The following TIMM21 variants were observed in gnomAD, a reference collection of about 807,000 sequenced individuals.
TIMM21 encodes the protein translocase of inner mitochondrial membrane 21, also known as mitochondrial import inner membrane translocase subunit Tim21.
Under a neutral mutation model 27.7 loss-of-function variants are expected in TIMM21, and 30 were observed. The observed-to-expected ratio is 1.08, with a 90% CI of 0.81 to 1.47. The LOEUF (loss-of-function observed/expected upper bound fraction) is 1.47. Ranked by LOEUF, TIMM21 falls within the 40% of genes most tolerant of loss-of-function variation. The pLI is 0.00. For missense variants in TIMM21, 292 were observed against 302.9 expected, an observed-to-expected ratio of 0.96 and a Z score of 0.27; for synonymous variants, 121 against 114.4, an observed-to-expected ratio of 1.06 and a Z score of -0.37.
intron 1 of TIMM21, 126 bp from the exon 2 acceptor site, chr18:74,155,019 G>A: frequency 1.2e-6 from 1 of 843,284 alleles, no homozygotes; most frequent in African/African-American, 1.7e-5. Flanking sequence ...AGCTGCCCCT[G>A]AACACACACA....
intron 3 of TIMM21, chr18:74,157,574 A>C (rs889836240): frequency 6.4e-6 from 1 of 155,250 alleles, no homozygotes; most frequent in Non-Finnish European, 1.4e-5. Flanking sequence ...TTCTTATTGG[A>C]GTGGTCATTT....
rs146202348 is a variant in TIMM21, at chr18:74,153,061, C to G, written c.302-2084C>G. Among the ~76,000 whole-genome samples the G allele has an allele frequency of 2.3e-3, 355 of 152,258 alleles. 1 individual carries two copies. Among genetic ancestry groups the G allele is most frequent in the African/African-American group, 8.3e-3 (343 of 41,548 alleles). On this transcript the variant is annotated intron_variant, in intron 1 of 5. Transcript: ENST00000169551. ...TGACAACTGTCCGCTACCAGTGCTC[C>G]CTGCAGCTGGGAGCCCCATACCACA...
intron 1 of TIMM21, among the ~76,000 whole-genome samples, chr18:74,150,352 T>C (rs1408418868): frequency 6.6e-6 from 1 of 152,238 alleles, no homozygotes; most frequent in African/African-American, 2.4e-5. Context: ...TGTAGCTATT[T>C]TGAGCACTTG....
chr18:74,158,167 A>G lies in TIMM21; in HGVS notation c.537-4A>G, dbSNP rs895256520. 3 of 1,614,058 alleles carry G rather than the reference A, an allele frequency of 1.9e-6. No homozygotes were observed. Among genetic ancestry groups the G allele is most frequent in the Admixed American group, 3.3e-5 (2 of 60,014 alleles). The stretch of plus-strand genomic sequence containing the variant: ...CTTAGACTGATCTTTCGTTTTCTCG[A>G]CAGGTTCACTGAATATGTAAAAGAT... On this transcript the variant is annotated splice_region_variant and splice_polypyrimidine_tract_variant and intron_variant, in intron 4 of 5. Coordinates refer to ENST00000169551, the MANE Select transcript of TIMM21 (RefSeq NM_014177.3).
chr18:74,159,394 G>A lies in TIMM21; in HGVS notation c.*914G>A, dbSNP rs1980045087. On this transcript the variant is annotated 3_prime_UTR_variant, in exon 6 of 6. Coordinates refer to ENST00000169551, the MANE Select transcript of TIMM21 (RefSeq NM_014177.3). ...TTCCATATCTATGTAAGTGCTATGTGCATTGGGAGGGGTCTAGAACCATGT... is the reference window on the plus strand; with the variant it reads ...TTCCATATCTATGTAAGTGCTATGTACATTGGGAGGGGTCTAGAACCATGT... 2 of 151,800 alleles carry A rather than the reference G, an allele frequency of 1.3e-5. No individual in the cohort carries two copies. The highest frequency in any genetic ancestry group is 4.8e-5 in the African/African-American group (2 of 41,298). 9.4% of individuals were successfully genotyped at this position (151,800 alleles called of 1,614,324 possible).
intron 1 of TIMM21, among the ~76,000 whole-genome samples, chr18:74,149,466 GCA>G (rs1979729519): frequency 6.6e-6 from 1 of 152,034 alleles, no homozygotes; most frequent in African/African-American, 2.4e-5. Flanking sequence ...CATGTTACCT[GCA>G]GTAATAGAAA....
Position 74,158,202 on chromosome 18 carries a change from C to A in TIMM21, c.568C>A (p.His190Asn). The A allele has an allele frequency of 6.2e-7, 1 of 1,614,126 alleles. No individual in the cohort carries two copies. Among genetic ancestry groups the A allele is most frequent in the Non-Finnish European group, 8.5e-7 (1 of 1,180,032 alleles). Residue 190 changes from histidine (H) to asparagine (N), a missense_variant, in exon 5 of 6, where the codon CAC (histidine) becomes AAC (asparagine). Coordinates refer to ENST00000169551, the MANE Select transcript of TIMM21 (RefSeq NM_014177.3). ...FTEYVKDGLK[H>N]TCVKFYIEGS... Reference sequence around the variant, plus strand: ...TGAATATGTAAAAGATGGGCTGAAACACACGTGTGTGAAATTCTACATTGA... The same window carrying A: ...TGAATATGTAAAAGATGGGCTGAAAAACACGTGTGTGAAATTCTACATTGA...
At chr18:74,156,482 G>A (rs1979954437) in intron 3 of TIMM21, 2 of 392,862 alleles carry the variant, frequency 5.1e-6, no homozygotes, top group African/African-American at 4.1e-5. Context: ...TGGACAGCCA[G>A]TGGTAACCAT....
At position 74,158,255 on chromosome 18, in the gene TIMM21, G is replaced by A. The variant is rs575511888; in HGVS notation, c.621G>A (p.Thr207=). The A allele has an allele frequency of 1.7e-5, 27 of 1,614,182 alleles. No homozygotes were observed. Among genetic ancestry groups the A allele is most frequent in the African/African-American group, 6.7e-5 (5 of 75,040 alleles). The change falls in exon 5 of 6, where the codon ACG becomes ACA. Residue 207 remains threonine (T), a synonymous_variant. Transcript: ENST00000169551. ...GCTCTGAGCCAGGGAAGCAAGGAAC[G>A]GTGTATGCGCAAGTGAAAGAGGTGT... ...IEGSEPGKQG[T]VYAQVKENPG... is the part of the protein sequence containing the mutation.
In TIMM21 at chr18:74,158,583, G is replaced by A. The variant is rs949195279; in HGVS notation, c.*103G>A. 1.4e-6 allele frequency: 1 copy of A among 729,944 alleles called. No individual in the cohort carries two copies. Among genetic ancestry groups the A allele is most frequent in the African/African-American group, 1.8e-5 (1 of 55,162 alleles). The allele number at this position is 729,944 out of a possible 1,614,324, so 45.2% of individuals were successfully genotyped here. On this transcript the variant is annotated 3_prime_UTR_variant, in exon 6 of 6. Coordinates refer to ENST00000169551, the MANE Select transcript of TIMM21 (RefSeq NM_014177.3). The stretch of plus-strand genomic sequence containing the variant: ...AAAGAAAGACAAGAAGGAGTGTATG[G>A]CTTATAAAGTGAATCTAATACAGTA...
rs752957466 is a variant in TIMM21, at chr18:74,149,008, C to T, written c.200C>T (p.Thr67Met). 3.7e-6 allele frequency: 6 copies of T among 1,614,104 alleles called. No individual in the cohort carries two copies. Among genetic ancestry groups the T allele is most frequent in the Non-Finnish European group, 5.1e-6 (6 of 1,180,038 alleles). ...ILGVTQKTIW[T>M]QGPSPRKAKE... Reference sequence around the variant, plus strand: ...GGAGTCACCCAGAAAACCATCTGGACGCAGGGACCGAGCCCCCGAAAAGCA... The same window carrying T: ...GGAGTCACCCAGAAAACCATCTGGATGCAGGGACCGAGCCCCCGAAAAGCA... The change falls in exon 1 of 6, where the codon ACG becomes ATG. Residue 67 changes from threonine (T) to methionine (M), a missense_variant. Thr to Met is a moderately conservative substitution (Grantham distance 81). Coordinates refer to ENST00000169551, the MANE Select transcript of TIMM21 (RefSeq NM_014177.3).
chr18:74,151,307 G>A (rs1979794771), intron 1 of TIMM21, among the ~76,000 whole-genome samples: 2 of 152,216 alleles, frequency 1.3e-5, no homozygotes, highest in South Asian at 4.1e-4. Context: ...GCTGCCTTCA[G>A]CCTCAGGAAT....
At position 74,158,093 on chromosome 18, in the gene TIMM21, G is replaced by A; in HGVS notation, c.536+6G>A. Reference sequence around the variant, plus strand: ...GGTCGCCGGCAGCATGTCAGGTACTGTGGCTTGAATTCAGAGGAGGCTCTG... The same window carrying A: ...GGTCGCCGGCAGCATGTCAGGTACTATGGCTTGAATTCAGAGGAGGCTCTG... On this transcript the variant is annotated splice_donor_region_variant and intron_variant, in intron 4 of 5. Coordinates refer to ENST00000169551, the MANE Select transcript of TIMM21 (RefSeq NM_014177.3). The A allele has an allele frequency of 1.2e-6, 2 of 1,614,162 alleles. No individual in the cohort carries two copies. Among genetic ancestry groups the A allele is most frequent in the Non-Finnish European group, 1.7e-6 (2 of 1,179,992 alleles).
chr18:74,152,255 C>T lies in TIMM21; in HGVS notation c.302-2890C>T, dbSNP rs1325548433. ...GTTGCCTTTCCTCCCAAATCAGGAC[C>T]CTGACCTTGGTGTGGGAGGTCTCAT... On this transcript the variant is annotated intron_variant, in intron 1 of 5. Coordinates refer to ENST00000169551, the MANE Select transcript of TIMM21 (RefSeq NM_014177.3). The surrounding 1 kb of genome is among the most constrained non-coding windows in gnomAD (Gnocchi z 4.1). 1.3e-5 allele frequency among the ~76,000 whole-genome samples: 2 copies of T among 152,146 alleles called. No homozygotes were observed. Among genetic ancestry groups the T allele is most frequent in the African/African-American group, 4.8e-5 (2 of 41,432 alleles).
At chr18:74,151,990 C>G (rs1347181097) in intron 1 of TIMM21, among the ~76,000 whole-genome samples, 1 of 149,194 alleles carries the variant, frequency 6.7e-6, no homozygotes, top group Non-Finnish European at 1.5e-5. Flanking sequence ...TTCTTCTCAC[C>G]CTTCTCATGC....
intron 3 of TIMM21, chr18:74,156,216 C>T (rs1979946438): frequency 2.5e-6 from 1 of 398,600 alleles, no homozygotes; most frequent in Non-Finnish European, 4.4e-6. Flanking sequence ...AATCGTCTGC[C>T]ATTATCATCA....
intron 3 of TIMM21, chr18:74,157,549 AC>A (rs1358617124): frequency 2.6e-5 from 4 of 154,914 alleles, no homozygotes; most frequent in Admixed American, 1.3e-4. Context: ...TTGTATAATA[AC>A]CCTTTTTTCA....
intron 1 of TIMM21, among the ~76,000 whole-genome samples, chr18:74,151,937 T>TCCCCCCCCCCC (rs535525190): frequency 4.2e-5 from 4 of 94,284 alleles, no homozygotes; most frequent in African/African-American, 1.8e-4. Context: ...GTGTCTATGT[T>TCCCCCCCCCCC]CCCCCCCCCC....
chr18:74,158,413 T>G lies in TIMM21; in HGVS notation c.680T>G (p.Phe227Cys). ...GSGEYDFRYI[F>C]VEIESYPRRT... ...GGTGAATATGATTTTCGATATATATTTGTAGAAATTGAATCTTATCCTAGA... is the reference window on the plus strand; with the variant it reads ...GGTGAATATGATTTTCGATATATATGTGTAGAAATTGAATCTTATCCTAGA... The change falls in exon 6 of 6, where the codon TTT (phenylalanine) becomes TGT (cysteine). Residue 227 changes from phenylalanine to cysteine, a missense_variant. Physicochemically the swap from Phe to Cys is radical, Grantham distance 205. Transcript: ENST00000169551. 1 of 1,605,968 alleles carries G rather than the reference T, an allele frequency of 6.2e-7. No homozygotes were observed. The highest frequency in any genetic ancestry group is 8.5e-7 in the Non-Finnish European group (1 of 1,173,834).
Sources: allele counts gnomAD v4.1 joint callset (sites outside exome capture counted in the v4.1 genomes callset), GRCh38; gene constraint gnomAD v4.1.1; non-coding constraint Gnocchi (gnomAD v3.1); transcripts MANE v1.5; gene names NCBI Gene and HGNC (gene_info 2026-07-23, HGNC 2026-07-21).